The following LRRTM4 variants were observed in gnomAD, a reference collection of about 807,000 sequenced individuals.
LRRTM4 encodes the protein leucine-rich repeat transmembrane neuronal protein 4.
LRRTM4 carries 25 observed loss-of-function variants against 47.6 expected under a neutral mutation model. The ratio of observed to expected loss-of-function variants is 0.53; its 90% CI spans 0.38 to 0.73. The LOEUF (loss-of-function observed/expected upper bound fraction) is 0.73, where lower values mean the gene tolerates loss of function less well. Ranked by LOEUF, LRRTM4 falls within the 30% of genes least tolerant of loss-of-function variation. LRRTM4 has a pLI of 0.00. For missense variants in LRRTM4, 638 were observed against 713.4 expected, an observed-to-expected ratio of 0.89 and a Z score of 1.20; for synonymous variants, 311 against 269.5, an observed-to-expected ratio of 1.15 and a Z score of -1.51.
At position 76,989,549 on chromosome 2, in the gene LRRTM4, A is replaced by C. The variant is rs142166295; in HGVS notation, c.1552-240633T>G. 1.1e-4 allele frequency among the ~76,000 whole-genome samples: 16 copies of C among 151,940 alleles called. No individual in the cohort carries two copies. The East Asian group carries it at 2.5e-3, about 24-fold the overall frequency. On this transcript the variant is annotated intron_variant, in intron 3 of 3. Transcript: ENST00000409884. ...TTACATGTTGAGAGAAAATACAGCA[A>C]ATGAGTTGAAAATGCATGTTCTGGA... is the stretch of plus-strand genomic sequence containing the variant.
At chr2:76,768,533 A>C (rs1673546066) in intron 3 of LRRTM4, among the ~76,000 whole-genome samples, 1 of 152,132 alleles carries the variant, frequency 6.6e-6, no homozygotes, top group Admixed American at 6.6e-5. Context: ...ATGCTTGGGG[A>C]AAACATTTTT....
At chr2:77,104,289 C>A (rs906810308) in intron 3 of LRRTM4, among the ~76,000 whole-genome samples, 1 of 152,154 alleles carries the variant, frequency 6.6e-6, no homozygotes, top group African/African-American at 2.4e-5. Context: ...CTGATGTGAA[C>A]ACCTCCTTCC....
chr2:77,272,929 A>G (rs901915363), intron 3 of LRRTM4, among the ~76,000 whole-genome samples: 5 of 152,154 alleles, frequency 3.3e-5, no homozygotes, highest in Admixed American at 1.3e-4. Context: ...AATTGTGGAG[A>G]GCCATATTTT....
chr2:76,843,385 ACTCT>A (rs1451783617), intron 3 of LRRTM4, among the ~76,000 whole-genome samples: 1 of 151,982 alleles, frequency 6.6e-6, no homozygotes, highest in Non-Finnish European at 1.5e-5. Context: ...ATAGTCCTAG[ACTCT>A]CTGTTAGATA....
chr2:77,371,184 T>C (rs1014693394), intron 3 of LRRTM4, among the ~76,000 whole-genome samples: 1 of 151,780 alleles, frequency 6.6e-6, no homozygotes, highest in Non-Finnish European at 1.5e-5. Context: ...TATCTCAAGA[T>C]ACTCAATAAC....
intron 3 of LRRTM4, among the ~76,000 whole-genome samples, chr2:77,289,598 G>A (rs1676763484): frequency 6.6e-6 from 1 of 151,740 alleles, no homozygotes; most frequent in Non-Finnish European, 1.5e-5. Context: ...TTTTTTTTTA[G>A]AAATGGTTAT....
intron 3 of LRRTM4, among the ~76,000 whole-genome samples, chr2:77,091,359 A>G (rs956460954): frequency 3.5e-5 from 5 of 141,808 alleles, no homozygotes; most frequent in South Asian, 4.5e-4. Flanking sequence ...CTCAACGCCA[A>G]TATCCCATCC....
At chr2:77,349,862 T>G (rs939811054) in intron 3 of LRRTM4, among the ~76,000 whole-genome samples, 1 of 152,172 alleles carries the variant, frequency 6.6e-6, no homozygotes, top group East Asian at 1.9e-4. Context: ...TTTTTAAAGC[T>G]AGCTAGTTAG....
chr2:77,102,931 CTG>C (rs1670995092), intron 3 of LRRTM4, among the ~76,000 whole-genome samples: 1 of 152,134 alleles, frequency 6.6e-6, no homozygotes, highest in South Asian at 2.1e-4. Flanking sequence ...AGGTGAGTCT[CTG>C]TGTCAGAGAC....
At chr2:76,979,945 C>T (rs1386327821) in intron 3 of LRRTM4, among the ~76,000 whole-genome samples, 1 of 151,958 alleles carries the variant, frequency 6.6e-6, no homozygotes, top group Non-Finnish European at 1.5e-5. Flanking sequence ...CACACTGCAT[C>T]CAAATGGTTA....
At chr2:77,013,683 C>G (rs1248662512) in intron 3 of LRRTM4, among the ~76,000 whole-genome samples, 1 of 152,070 alleles carries the variant, frequency 6.6e-6, no homozygotes, top group Admixed American at 6.6e-5. Flanking sequence ...CTAAAGAAAA[C>G]AGCGATAACA....
intron 3 of LRRTM4, among the ~76,000 whole-genome samples, chr2:77,413,325 G>T (rs555244257): frequency 2.0e-5 from 3 of 152,140 alleles, no homozygotes; most frequent in Admixed American, 1.3e-4. Context: ...ATGTCTCAGG[G>T]CCCTTTCCTC....
At chr2:77,458,690 C>T (rs575235292) in intron 3 of LRRTM4, among the ~76,000 whole-genome samples, 1 of 151,608 alleles carries the variant, frequency 6.6e-6, no homozygotes, top group East Asian at 1.9e-4. Flanking sequence ...TGCAGAGGTT[C>T]GGTGGATGGC....
chr2:77,504,299 G>A (rs1307907408), intron 3 of LRRTM4, among the ~76,000 whole-genome samples: 2 of 151,540 alleles, frequency 1.3e-5, no homozygotes, highest in African/African-American at 2.4e-5. Context: ...CAAAGTAGTT[G>A]TCACATCGAC....
chr2:77,100,576 AG>A (rs1558580209), intron 3 of LRRTM4, among the ~76,000 whole-genome samples: 2 of 152,168 alleles, frequency 1.3e-5, no homozygotes, highest in Admixed American at 6.5e-5. Context: ...AATAAAAGGT[AG>A]GGTTTCTTAA....
chr2:76,946,418 AATAAAT>A (rs1341095779), intron 3 of LRRTM4, among the ~76,000 whole-genome samples: 3 of 151,840 alleles, frequency 2.0e-5, no homozygotes, highest in Non-Finnish European at 2.9e-5. Context: ...ACTAATATAT[AATAAAT>A]ATAAACATTA....
At chr2:76,799,032 G>A (rs1382166100) in intron 3 of LRRTM4, among the ~76,000 whole-genome samples, 154 of 149,968 alleles carry the variant, frequency 1.0e-3, no homozygotes, top group African/African-American at 3.2e-3. Context: ...ATAAGGAGGA[G>A]CTGGTACCAT....
intron 3 of LRRTM4, among the ~76,000 whole-genome samples, chr2:77,067,110 A>G (rs1679981894): frequency 6.6e-6 from 1 of 152,216 alleles, no homozygotes; most frequent in Admixed American, 6.5e-5. Flanking sequence ...TGATTGCTTT[A>G]CACTGCCTAT....
At chr2:77,052,714 G>A (rs1679480209) in intron 3 of LRRTM4, among the ~76,000 whole-genome samples, 2 of 148,548 alleles carry the variant, frequency 1.3e-5, no homozygotes, top group East Asian at 2.0e-4. Flanking sequence ...GTGTTTGTGT[G>A]CGTAGGGGTG....
Sources: allele counts gnomAD v4.1 joint callset (sites outside exome capture counted in the v4.1 genomes callset), GRCh38; gene constraint gnomAD v4.1.1; transcripts MANE v1.5; gene names NCBI Gene and HGNC (gene_info 2026-07-23, HGNC 2026-07-21).